Variants in CNTN4 observed in about 807,000 individuals in gnomAD.
CNTN4 encodes contactin-4.
A neutral mutation model predicts 122.5 loss-of-function variants in CNTN4; 77 were observed. The ratio of observed to expected loss-of-function variants is 0.63; its 90% CI spans 0.52 to 0.76. CNTN4 has a LOEUF of 0.76. CNTN4 is among the 30% of genes least tolerant of loss of function. The probability of loss-of-function intolerance (pLI) is 0.00; values close to 1 mark genes in which losing one functional copy is unlikely to be tolerated. For missense variants in CNTN4, 1,256 were observed against 1,259.1 expected, an observed-to-expected ratio of 1.00 and a Z score of 0.04; for synonymous variants, 512 against 447.0, an observed-to-expected ratio of 1.15 and a Z score of -1.83.
intron 12 of CNTN4, among the ~76,000 whole-genome samples, chr3:2,924,013 C>G (rs10865823): frequency 6.6e-6 from 1 of 151,716 alleles, no homozygotes; most frequent in African/African-American, 2.4e-5. Context: ...TTGAATTACT[C>G]CCAGAATTAT....
At chr3:2,123,097 A>G (rs2033904224) in intron 2 of CNTN4, among the ~76,000 whole-genome samples, 9 of 152,274 alleles carry the variant, frequency 5.9e-5, no homozygotes, top group Admixed American at 5.2e-4. Context: ...AACCTAGCTG[A>G]TCTTCTGAGA....
chr3:2,755,938 T>G (rs2090317780), intron 6 of CNTN4, among the ~76,000 whole-genome samples: 2 of 152,220 alleles, frequency 1.3e-5, no homozygotes. Context: ...TATGAGTAAT[T>G]CAGTCAACAA....
intron 6 of CNTN4, among the ~76,000 whole-genome samples, chr3:2,763,430 G>T (rs1020716601): frequency 6.6e-6 from 1 of 152,188 alleles, no homozygotes; most frequent in Non-Finnish European, 1.5e-5. Flanking sequence ...CATTCTGTGT[G>T]TTGTCTCTTT....
chr3:2,100,023 C>T (rs965296285), intron 1 of CNTN4, among the ~76,000 whole-genome samples: 2 of 152,326 alleles, frequency 1.3e-5, no homozygotes, highest in East Asian at 3.9e-4. Flanking sequence ...CTTCGCGCGT[C>T]GGGAAGATCA....
At chr3:2,425,695 A>G (rs927812875) in intron 3 of CNTN4, among the ~76,000 whole-genome samples, 7 of 152,168 alleles carry the variant, frequency 4.6e-5, no homozygotes, top group Non-Finnish European at 1.0e-4. Context: ...GACTCTTCCT[A>G]TCCATGAGCA....
intron 4 of CNTN4, among the ~76,000 whole-genome samples, chr3:2,686,256 T>C (rs893417818): frequency 6.6e-6 from 1 of 152,136 alleles, no homozygotes; most frequent in African/African-American, 2.4e-5. Flanking sequence ...TCTAGCAATA[T>C]TTAACCCTTA....
At chr3:2,544,673 G>A (rs1452061444) in intron 3 of CNTN4, among the ~76,000 whole-genome samples, 1 of 151,680 alleles carries the variant, frequency 6.6e-6, no homozygotes, top group Non-Finnish European at 1.5e-5. Flanking sequence ...GTTCATGGTA[G>A]TCCCTGAGGG....
At chr3:2,267,669 CTAAT>C (rs2041107071) in intron 2 of CNTN4, among the ~76,000 whole-genome samples, 1 of 151,944 alleles carries the variant, frequency 6.6e-6, no homozygotes, top group Non-Finnish European at 1.5e-5. Context: ...GTTGACCATG[CTAAT>C]TCCCCTCTAA....
chr3:2,295,752 C>G (rs1015585025), intron 2 of CNTN4, among the ~76,000 whole-genome samples: 4 of 152,104 alleles, frequency 2.6e-5, no homozygotes, highest in Non-Finnish European at 5.9e-5. Flanking sequence ...AGTCCTTGCC[C>G]ATGCCTATGT....
At chr3:2,704,502 A>T (rs1388955106) in intron 4 of CNTN4, among the ~76,000 whole-genome samples, 2 of 152,130 alleles carry the variant, frequency 1.3e-5, no homozygotes, top group Admixed American at 1.3e-4. Context: ...AATAAGAGAA[A>T]GAGGACAAAA....
intron 4 of CNTN4, among the ~76,000 whole-genome samples, chr3:2,727,074 A>G (rs1267660158): frequency 2.6e-5 from 4 of 152,350 alleles, no homozygotes; most frequent in Non-Finnish European, 5.9e-5. Flanking sequence ...GGGCAGGACA[A>G]TGTCTGCTTT....
chr3:2,450,452 G>A (rs1373264175), intron 3 of CNTN4, among the ~76,000 whole-genome samples: 1 of 152,104 alleles, frequency 6.6e-6, no homozygotes, highest in Non-Finnish European at 1.5e-5. Context: ...TAGAAGAGAT[G>A]TGTTTGTATG....
At chr3:2,500,471 A>G (rs2076566766) in intron 3 of CNTN4, among the ~76,000 whole-genome samples, 1 of 152,118 alleles carries the variant, frequency 6.6e-6, no homozygotes, top group Admixed American at 6.5e-5. Context: ...AAATAGTATT[A>G]TTCCATTGTG....
intron 2 of CNTN4, among the ~76,000 whole-genome samples, chr3:2,125,537 A>G (rs1182371532): frequency 6.6e-6 from 1 of 150,576 alleles, no homozygotes; most frequent in Admixed American, 6.7e-5. Context: ...ATTTCTATGA[A>G]GATTTCTTTT....
intron 2 of CNTN4, among the ~76,000 whole-genome samples, chr3:2,207,456 G>A (rs908984268): frequency 6.6e-6 from 1 of 152,032 alleles, no homozygotes. Flanking sequence ...ACAGACAAAT[G>A]ATAAGAAAGT....
At chr3:2,812,107 A>T (rs936374135) in intron 6 of CNTN4, among the ~76,000 whole-genome samples, 1 of 152,180 alleles carries the variant, frequency 6.6e-6, no homozygotes, top group Non-Finnish European at 1.5e-5. Flanking sequence ...GGAACACCAC[A>T]CACTGGGGCC....
chr3:2,758,541 G>A (rs1176034189), intron 6 of CNTN4, among the ~76,000 whole-genome samples: 4 of 86,180 alleles, frequency 4.6e-5, no homozygotes, highest in East Asian at 3.1e-4. Flanking sequence ...TTTTTGAGAC[G>A]GAGTCTCCCT....
At chr3:2,560,503 T>C (rs977151324) in intron 3 of CNTN4, among the ~76,000 whole-genome samples, 9 of 152,194 alleles carry the variant, frequency 5.9e-5, no homozygotes, top group Non-Finnish European at 1.2e-4. Flanking sequence ...ACACTTATAT[T>C]ATGTTCCTTT....
intron 2 of CNTN4, among the ~76,000 whole-genome samples, chr3:2,134,977 A>G (rs938380913): frequency 2.0e-5 from 3 of 152,170 alleles, no homozygotes; most frequent in Non-Finnish European, 4.4e-5. Context: ...TGTCTACACA[A>G]CCTGTGGCCC....
Sources: gnomAD v4.1 joint callset for allele counts (sites outside exome capture counted in the v4.1 genomes callset) on GRCh38, gnomAD v4.1.1 for gene constraint, MANE v1.5 for transcripts, NCBI Gene and HGNC (gene_info 2026-07-23, HGNC 2026-07-21) for gene names.